The following EMILIN2 variants were observed in gnomAD, a reference collection of about 807,000 sequenced individuals.
EMILIN2 encodes the protein EMILIN-2.
EMILIN2 carries 71 observed loss-of-function variants against 87.1 expected under a neutral mutation model. The ratio of observed to expected loss-of-function variants is 0.82; its 90% CI spans 0.67 to 0.99. The LOEUF (loss-of-function observed/expected upper bound fraction) is 0.99, where lower values mean the gene tolerates loss of function less well. EMILIN2 is among the 50% of genes least tolerant of loss of function. The probability of loss-of-function intolerance (pLI) is 0.00; values close to 1 mark genes in which losing one functional copy is unlikely to be tolerated. For missense variants in EMILIN2, 1,407 were observed against 1,371.8 expected, an observed-to-expected ratio of 1.03 and a Z score of -0.40; for synonymous variants, 581 against 563.4, an observed-to-expected ratio of 1.03 and a Z score of -0.44.
chr18:2,857,209 CTG>C (rs1175845132), intron 2 of EMILIN2, among the ~76,000 whole-genome samples: 5 of 152,152 alleles, frequency 3.3e-5, no homozygotes, highest in Non-Finnish European at 7.3e-5. Flanking sequence ...TAAAGAAAAA[CTG>C]TGTAGGTGAA....
chr18:2,870,226 C>G (rs1234125438), intron 2 of EMILIN2, among the ~76,000 whole-genome samples: 1 of 152,078 alleles, frequency 6.6e-6, no homozygotes. Flanking sequence ...ACGTGACAGA[C>G]CCTGTCTCAA....
At chr18:2,908,812 G>A (rs2076927101) in intron 5 of EMILIN2, 131 bp from the exon 6 acceptor site, 5 of 1,094,464 alleles carry the variant, frequency 4.6e-6, no homozygotes, top group Non-Finnish European at 7.0e-6. Context: ...GGGTGCCCTT[G>A]TTCTATGTCT....
intron 2 of EMILIN2, among the ~76,000 whole-genome samples, chr18:2,878,972 A>C (rs2076763417): frequency 6.6e-6 from 1 of 152,204 alleles, no homozygotes; most frequent in Non-Finnish European, 1.5e-5. Context: ...GCCTGTGTCA[A>C]AATAAAACCC....
intron 4 of EMILIN2, among the ~76,000 whole-genome samples, chr18:2,900,844 T>A (rs1454205833): frequency 1.3e-5 from 2 of 152,202 alleles, no homozygotes; most frequent in Non-Finnish European, 2.9e-5. Flanking sequence ...TAGCATTCTG[T>A]ATGTCAGCAC....
intron 5 of EMILIN2, 41 bp from the exon 6 acceptor site, chr18:2,908,888 AAGGAGCTGGTGCTT>A (rs2076927448): frequency 6.2e-7 from 1 of 1,609,416 alleles, no homozygotes; most frequent in African/African-American, 1.3e-5. Context: ...GGCTCAGAAC[AAGGAGCTGGTGCTT>A]AGGGTCTTGT....
intron 2 of EMILIN2, among the ~76,000 whole-genome samples, chr18:2,870,292 A>G (rs963165613): frequency 1.3e-5 from 2 of 152,236 alleles, no homozygotes; most frequent in African/African-American, 4.8e-5. Context: ...TTTCACATTT[A>G]TAGCCCTGGA....
intron 2 of EMILIN2, among the ~76,000 whole-genome samples, chr18:2,877,462 A>C (rs1203519984): frequency 3.3e-5 from 5 of 151,228 alleles, no homozygotes; most frequent in Admixed American, 2.6e-4. Context: ...TTTACAAACA[A>C]AACATTTGTC....
At chr18:2,879,671 A>G (rs1418747848) in intron 2 of EMILIN2, among the ~76,000 whole-genome samples, 1 of 136,160 alleles carries the variant, frequency 7.3e-6, no homozygotes, top group Non-Finnish European at 1.6e-5. Context: ...CCCTGCCCCC[A>G]ACACCCCCCC....
At chr18:2,861,492 C>T (rs1490499655) in intron 2 of EMILIN2, among the ~76,000 whole-genome samples, 1 of 152,202 alleles carries the variant, frequency 6.6e-6, no homozygotes, top group Non-Finnish European at 1.5e-5. Context: ...AATAGGGAAT[C>T]CTTTCCCCAT....
At chr18:2,908,873 AAG>A in intron 5 of EMILIN2, 68 bp from the exon 6 acceptor site, 1 of 1,587,954 alleles carries the variant, frequency 6.3e-7, no homozygotes, top group Non-Finnish European at 8.6e-7. Flanking sequence ...GCAGAGGAAA[AAG>A]GGGGCTCAGA....
At chr18:2,906,480 T>G in intron 4 of EMILIN2, 1 of 121,302 alleles carries the variant, frequency 8.2e-6, no homozygotes, top group Non-Finnish European at 1.3e-5. Context: ...TGCTGTGAAA[T>G]CGGGAATTGT....
At chr18:2,911,495 TCTGA>T (rs1275830166) in intron 7 of EMILIN2, among the ~76,000 whole-genome samples, 1 of 152,254 alleles carries the variant, frequency 6.6e-6, no homozygotes, top group Non-Finnish European at 1.5e-5. Context: ...TCAGGTTTTG[TCTGA>T]CTATTGGGCG....
rs1461708229 is a variant in EMILIN2, at chr18:2,913,257, G to A, written c.3015G>A (p.Pro1005=). The change falls in exon 8 of 8, where the codon CCG becomes CCA. Residue 1005 remains proline (P), a synonymous_variant. Transcript: ENST00000254528. ...GAGCTTTGCATACCTGCGGGGGCCC[G>A]GGGGCATTCCACCTCATCGTGCACC... is the stretch of plus-strand genomic sequence containing the variant. ...PPGALHTCGG[P]GAFHLIVHLK... The A allele has an allele frequency of 2.6e-5, 42 of 1,613,588 alleles. No homozygotes were observed. Among genetic ancestry groups the A allele is most frequent in the African/African-American group, 8.0e-5 (6 of 74,904 alleles).
At chr18:2,898,332 A>T (rs1293442205) in intron 4 of EMILIN2, among the ~76,000 whole-genome samples, 1 of 152,218 alleles carries the variant, frequency 6.6e-6, no homozygotes, top group African/African-American at 2.4e-5. Context: ...TGGCAGCAGC[A>T]TGTGGAGAAT....
intron 2 of EMILIN2, among the ~76,000 whole-genome samples, chr18:2,879,153 G>C (rs1284069424): frequency 2.6e-5 from 4 of 152,098 alleles, no homozygotes; most frequent in Admixed American, 2.6e-4. Flanking sequence ...GGGGGTTAGG[G>C]ATCAAGACGT....
chr18:2,906,725 G>A, intron 4 of EMILIN2, 58 bp from the exon 5 acceptor site: 2 of 1,178,118 alleles, frequency 1.7e-6, no homozygotes, highest in Non-Finnish European at 2.1e-6. Context: ...CCCTGACGGG[G>A]CAGTCAGGGC....
intron 3 of EMILIN2, among the ~76,000 whole-genome samples, chr18:2,889,143 T>C (rs1204822217): frequency 7.3e-5 from 9 of 123,226 alleles, no homozygotes; most frequent in South Asian, 5.9e-4. Context: ...CTTTTTTTTT[T>C]TTTTTTTTTT....
intron 3 of EMILIN2, among the ~76,000 whole-genome samples, chr18:2,888,621 A>C (rs1300224099): frequency 2.6e-5 from 4 of 151,464 alleles, no homozygotes; most frequent in Non-Finnish European, 5.9e-5. Flanking sequence ...AGGCTGAGGC[A>C]GGAGAATGGC....
intron 2 of EMILIN2, among the ~76,000 whole-genome samples, chr18:2,866,477 T>G (rs1242592897): frequency 1.3e-5 from 2 of 152,262 alleles, no homozygotes; most frequent in Non-Finnish European, 2.9e-5. Flanking sequence ...GATTTGATTC[T>G]CAGCTTGGTC....
Sources: gnomAD v4.1 joint callset for allele counts (sites outside exome capture counted in the v4.1 genomes callset) on GRCh38, gnomAD v4.1.1 for gene constraint, MANE v1.5 for transcripts, NCBI Gene and HGNC (gene_info 2026-07-23, HGNC 2026-07-21) for gene names.